The following TRPM3 variants were observed in gnomAD, a reference collection of about 807,000 sequenced individuals.
The protein encoded by TRPM3 is transient receptor potential cation channel subfamily M member 3, also known as long transient receptor potential channel 3.
Under a neutral mutation model 181.2 loss-of-function variants are expected in TRPM3, and 77 were observed. That is an observed-to-expected ratio of 0.42 (90% CI 0.35 to 0.51). TRPM3 has a LOEUF of 0.51. TRPM3 is among the 20% of genes least tolerant of loss of function. The pLI, the probability that TRPM3 is intolerant of heterozygous loss-of-function variation, is 0.01. For synonymous variants in TRPM3, 745 were observed against 796.4 expected (o/e 0.94, Z 1.09); for missense variants, 1,759 against 2,196.7 (o/e 0.80, Z 3.98).
chr9:70,797,175 T>G (rs1588482939), intron 6 of TRPM3, among the ~76,000 whole-genome samples: 1 of 152,098 alleles, frequency 6.6e-6, no homozygotes, highest in East Asian at 1.9e-4. Context: ...ACGTAATTAT[T>G]TCCACGTAAA....
At chr9:71,269,949 A>T (rs182468440) in intron 1 of TRPM3, among the ~76,000 whole-genome samples, 1 of 152,338 alleles carries the variant, frequency 6.6e-6, no homozygotes, top group Non-Finnish European at 1.5e-5. Flanking sequence ...AGTTTGCATA[A>T]TATGACCATC....
intron 1 of TRPM3, among the ~76,000 whole-genome samples, chr9:70,923,581 C>A (rs945320090): frequency 6.6e-6 from 1 of 151,888 alleles, no homozygotes; most frequent in African/African-American, 2.4e-5. Flanking sequence ...AAGGAGAAAA[C>A]TGCCTAGATT....
chr9:71,050,737 A>C (rs2059977016), intron 1 of TRPM3, among the ~76,000 whole-genome samples: 1 of 152,238 alleles, frequency 6.6e-6, no homozygotes, highest in Admixed American at 6.5e-5. Flanking sequence ...ACTCATCTGC[A>C]AATGGGCCCA....
At chr9:71,195,665 C>A (rs1342670396) in intron 1 of TRPM3, among the ~76,000 whole-genome samples, 1 of 151,932 alleles carries the variant, frequency 6.6e-6, no homozygotes, top group Non-Finnish European at 1.5e-5. Context: ...TGAATATGTT[C>A]TCTGTAGCAC....
intron 7 of TRPM3, among the ~76,000 whole-genome samples, chr9:70,781,530 T>C (rs1403467333): frequency 3.3e-5 from 5 of 151,800 alleles, no homozygotes; most frequent in African/African-American, 9.7e-5. Context: ...TAAAGTATAA[T>C]GAAAAGAGGA....
chr9:70,998,226 T>TACAC (rs1477492214), intron 1 of TRPM3, among the ~76,000 whole-genome samples: 3 of 119,172 alleles, frequency 2.5e-5, no homozygotes, highest in Admixed American at 8.8e-5. Flanking sequence ...TATATATACA[T>TACAC]ATACACACAC....
At chr9:70,631,820 C>T (rs2065905355) in intron 12 of TRPM3, among the ~76,000 whole-genome samples, 2 of 152,152 alleles carry the variant, frequency 1.3e-5, no homozygotes, top group African/African-American at 4.8e-5. Flanking sequence ...GGGAGCAATT[C>T]CCCACATTCA....
At chr9:70,600,619 G>A (rs1451783381) in intron 20 of TRPM3, among the ~76,000 whole-genome samples, 4 of 152,182 alleles carry the variant, frequency 2.6e-5, no homozygotes, top group East Asian at 1.9e-4. Context: ...GGCTGGGGGT[G>A]GGGTGGAGGA....
chr9:71,431,819 C>T (rs1239743771), intron 1 of TRPM3, among the ~76,000 whole-genome samples: 2 of 152,080 alleles, frequency 1.3e-5, no homozygotes, highest in Non-Finnish European at 2.9e-5. Context: ...TTAATAAATG[C>T]CAAAATTATG....
chr9:71,227,511 A>T (rs2080760415), intron 1 of TRPM3, among the ~76,000 whole-genome samples: 1 of 152,096 alleles, frequency 6.6e-6, no homozygotes, highest in African/African-American at 2.4e-5. Context: ...AATAAATGAC[A>T]TTGAAATGAA....
chr9:71,036,012 AT>A (rs1463395764), intron 1 of TRPM3, among the ~76,000 whole-genome samples: 5 of 72,090 alleles, frequency 6.9e-5, no homozygotes, highest in East Asian at 3.5e-4. Context: ...TAATTTTGGG[AT>A]TTTTTTTTCA....
At chr9:71,387,735 G>T (rs2092959565) in intron 1 of TRPM3, among the ~76,000 whole-genome samples, 1 of 151,954 alleles carries the variant, frequency 6.6e-6, no homozygotes, top group African/African-American at 2.4e-5. Flanking sequence ...CCTCAGGAAA[G>T]GTTACCTCCA....
chr9:71,283,109 T>G (rs1169390124), intron 1 of TRPM3, among the ~76,000 whole-genome samples: 4 of 151,672 alleles, frequency 2.6e-5, no homozygotes. Flanking sequence ...TATTAAACGA[T>G]TCCCCCATTC....
At chr9:71,160,878 G>A (rs1361305533) in intron 1 of TRPM3, among the ~76,000 whole-genome samples, 3 of 152,074 alleles carry the variant, frequency 2.0e-5, no homozygotes, top group African/African-American at 7.2e-5. Context: ...ATAATTTTAT[G>A]GTTTTGTATT....
intron 1 of TRPM3, among the ~76,000 whole-genome samples, chr9:71,394,736 G>A (rs1310564409): frequency 6.6e-6 from 1 of 152,076 alleles, no homozygotes; most frequent in Non-Finnish European, 1.5e-5. Context: ...ACAAAACTCA[G>A]ATTTAGGAAT....
At chr9:71,315,112 T>A (rs1176095395) in intron 1 of TRPM3, among the ~76,000 whole-genome samples, 2 of 152,158 alleles carry the variant, frequency 1.3e-5, no homozygotes, top group African/African-American at 4.8e-5. Flanking sequence ...TAGGGTTTAA[T>A]AAGCACTGAT....
intron 1 of TRPM3, among the ~76,000 whole-genome samples, chr9:71,170,367 T>C (rs1322264962): frequency 6.6e-6 from 1 of 152,174 alleles, no homozygotes; most frequent in African/African-American, 2.4e-5. Context: ...GCTAATCCTG[T>C]GAGTCAGGAT....
rs2067664833 is a variant in TRPM3, at chr9:71,098,273, G to A, written c.177+22905C>T. On this transcript the variant is annotated intron_variant, in intron 1 of 25. Transcript: ENST00000677713. The stretch of plus-strand genomic sequence containing the variant: ...AGTAAAATCCAACAATTCTCAGTGT[G>A]AACCTAGTGGCACCTCAACATTAAT... Among the ~76,000 whole-genome samples the A allele has an allele frequency of 2.0e-5, 3 of 152,010 alleles. No homozygotes were observed. In the South Asian group the frequency reaches 6.2e-4, roughly 32 times the overall value.
chr9:71,085,739 C>G (rs1458446121), intron 1 of TRPM3, among the ~76,000 whole-genome samples: 6 of 152,062 alleles, frequency 3.9e-5, no homozygotes, highest in Non-Finnish European at 8.8e-5. Context: ...CACTTATACA[C>G]TGTTGATGCA....
Sources: gnomAD v4.1 joint callset for allele counts (sites outside exome capture counted in the v4.1 genomes callset) on GRCh38, gnomAD v4.1.1 for gene constraint, MANE v1.5 for transcripts, NCBI Gene and HGNC (gene_info 2026-07-23, HGNC 2026-07-21) for gene names.